GOLT1B: variants seen among roughly 807,000 people sequenced by gnomAD.
GOLT1B encodes golgi transport 1B.
In GOLT1B, 3 loss-of-function variants were observed where a neutral mutation model predicts 15.4. The ratio of observed to expected loss-of-function variants is 0.19; its 90% CI spans 0.09 to 0.50. GOLT1B has a LOEUF of 0.50. GOLT1B is among the 20% of genes least tolerant of loss of function. The pLI, the probability that GOLT1B is intolerant of heterozygous loss-of-function variation, is 0.97. For synonymous variants in GOLT1B, 65 were observed against 56.2 expected (o/e 1.16, Z -0.70); for missense variants, 145 against 160.4 (o/e 0.90, Z 0.52).
At chr12:21,505,780 T>C (rs1244956097) in intron 1 of GOLT1B, among the ~76,000 whole-genome samples, 1 of 152,152 alleles carries the variant, frequency 6.6e-6, no homozygotes, top group African/African-American at 2.4e-5. Context: ...CTTCTAAAAA[T>C]ACGGTGGCTT....
At chr12:21,504,073 A>G (rs943206707) in intron 1 of GOLT1B, among the ~76,000 whole-genome samples, 5 of 152,246 alleles carry the variant, frequency 3.3e-5, no homozygotes, top group Non-Finnish European at 5.9e-5. Context: ...AATTGTGAAT[A>G]AGATATCAAA....
At chr12:21,511,963 A>C (rs1008579703) in intron 3 of GOLT1B, among the ~76,000 whole-genome samples, 9 of 152,138 alleles carry the variant, frequency 5.9e-5, no homozygotes, top group African/African-American at 2.2e-4. Flanking sequence ...TTACTTAGTA[A>C]ATGATAGCTA....
At chr12:21,512,986 G>C (rs1006333517) in intron 4 of GOLT1B, among the ~76,000 whole-genome samples, 3 of 151,008 alleles carry the variant, frequency 2.0e-5, no homozygotes, top group Admixed American at 6.6e-5. Context: ...GGATTGGCTT[G>C]GGCCTAGGGG....
Position 21,516,565 on chromosome 12 carries a change from A to G in GOLT1B, c.*858A>G, listed in dbSNP as rs1253591929. Reference sequence around the variant, plus strand: ...ATACTAAATGATGCAAACCAAATGGATTTTTTCCATGTCATGATGTAATTT... The same window carrying G: ...ATACTAAATGATGCAAACCAAATGGGTTTTTTCCATGTCATGATGTAATTT... On this transcript the variant is annotated 3_prime_UTR_variant, in exon 5 of 5. Coordinates refer to ENST00000229314, the MANE Select transcript of GOLT1B (RefSeq NM_016072.5). 6.6e-6 allele frequency: 1 copy of G among 151,692 alleles called. No individual in the cohort carries two copies. The highest frequency in any genetic ancestry group is 1.5e-5 in the Non-Finnish European group (1 of 67,802). 9.4% of individuals were successfully genotyped at this position (151,692 alleles called of 1,614,324 possible). A position where few individuals can be genotyped will look rare whatever the true frequency, so the allele number is the denominator to read the frequency against.
intron 2 of GOLT1B, chr12:21,508,115 G>A (rs889422175): frequency 1.6e-4 from 65 of 415,864 alleles, no homozygotes; most frequent in African/African-American, 1.2e-4. Flanking sequence ...CCTTGGTAAC[G>A]TCTAATCTTT....
At chr12:21,512,223 T>C in intron 3 of GOLT1B, 72 bp from the exon 4 acceptor site, 1 of 800,784 alleles carries the variant, frequency 1.2e-6, no homozygotes, top group East Asian at 2.4e-5. Context: ...TACTTTCTTT[T>C]TCCTTGGTTA....
At chr12:21,508,007 A>G (rs1298412799) in intron 2 of GOLT1B, 2 of 449,006 alleles carry the variant, frequency 4.5e-6, no homozygotes, top group Non-Finnish European at 8.9e-6. Context: ...TGACATATTT[A>G]TGGGCAGCTT....
intron 4 of GOLT1B, among the ~76,000 whole-genome samples, 196 bp downstream of exon 4, chr12:21,512,572 C>T (rs1446928844): frequency 1.3e-5 from 2 of 152,008 alleles, no homozygotes; most frequent in Non-Finnish European, 2.9e-5. Context: ...TTTGTTTTAC[C>T]GTATCCATTT....
At chr12:21,513,831 G>A (rs749693778) in intron 4 of GOLT1B, among the ~76,000 whole-genome samples, 3 of 152,180 alleles carry the variant, frequency 2.0e-5, no homozygotes, top group African/African-American at 4.8e-5. Context: ...AAAGGAGAAA[G>A]GGAGGCACTT....
In GOLT1B at chr12:21,507,825, T is replaced by A. The variant is rs1943690537; in HGVS notation, c.118-558T>A. 8 of 376,428 alleles carry A rather than the reference T, an allele frequency of 2.1e-5. No individual in the cohort carries two copies. In the Admixed American group the frequency reaches 2.6e-4, roughly 12 times the overall value. The allele number at this position is 376,428 out of a possible 1,614,324, so 23.3% of individuals were successfully genotyped here. On this transcript the variant is annotated intron_variant, in intron 2 of 4. Transcript: ENST00000229314. ...TTCAAAATATTTGAAAACACATGGTTGTATTTTTATTTCTGCTGCCACCAG... is the reference window on the plus strand; with the variant it reads ...TTCAAAATATTTGAAAACACATGGTAGTATTTTTATTTCTGCTGCCACCAG...
chr12:21,508,682 G>T, intron 3 of GOLT1B, 121 bp downstream of exon 3: 2 of 621,010 alleles, frequency 3.2e-6, no homozygotes, highest in Non-Finnish European at 5.6e-6. Flanking sequence ...ATTTTATTTA[G>T]GTTGAATCTT....
Position 21,508,493 on chromosome 12 carries a change from T to C in GOLT1B, c.228T>C (p.Phe76=). The C allele has an allele frequency of 6.3e-7, 1 of 1,591,284 alleles. No homozygotes were observed. The highest frequency in any genetic ancestry group is 8.6e-7 in the Non-Finnish European group (1 of 1,160,404). The change falls in exon 3 of 5, where the codon TTT becomes TTC. Residue 76 remains phenylalanine, a synonymous_variant. Coordinates refer to ENST00000229314, the MANE Select transcript of GOLT1B (RefSeq NM_016072.5). ...CAGGTTTTTTTCTGGGTGGTGTATT[T>C]GTAGTCCTTATTGGTTGGCCTTTGA... is the stretch of plus-strand genomic sequence containing the variant. ...KATGFFLGGV[F]VVLIGWPLIG...
chr12:21,512,483 T>C (rs575342498), intron 4 of GOLT1B, 107 bp downstream of exon 4: 11 of 691,200 alleles, frequency 1.6e-5, no homozygotes, highest in East Asian at 2.5e-5. Context: ...TTTTGTATTA[T>C]GATATAGTTA....
intron 1 of GOLT1B, among the ~76,000 whole-genome samples, chr12:21,503,067 G>A (rs1943649040): frequency 6.6e-6 from 1 of 152,152 alleles, no homozygotes; most frequent in Non-Finnish European, 1.5e-5. Flanking sequence ...GCTGGACTGG[G>A]GCTGCCTCTT....
intron 2 of GOLT1B, among the ~76,000 whole-genome samples, chr12:21,507,547 C>A (rs1008962930): frequency 2.9e-5 from 4 of 137,420 alleles, no homozygotes; most frequent in African/African-American, 1.1e-4. Flanking sequence ...TATATACACA[C>A]ACACATATAT....
chr12:21,513,273 A>G (rs1314057042), intron 4 of GOLT1B, among the ~76,000 whole-genome samples: 1 of 152,174 alleles, frequency 6.6e-6, no homozygotes, highest in Admixed American at 6.5e-5. Flanking sequence ...AAGTTAACAA[A>G]TAGAGTTTCT....
intron 1 of GOLT1B, 65 bp from the exon 2 acceptor site, chr12:21,506,820 G>T: frequency 1.4e-6 from 1 of 698,624 alleles, no homozygotes; most frequent in South Asian, 1.9e-5. Flanking sequence ...AATTTTCTTA[G>T]TTTACAGGGA....
At chr12:21,504,627 T>C (rs374609883) in intron 1 of GOLT1B, 42 of 489,628 alleles carry the variant, frequency 8.6e-5, no homozygotes, top group African/African-American at 7.9e-4. Flanking sequence ...ACATTTTTGC[T>C]GCTTCTATGA....
chr12:21,512,868 C>T (rs1277958198), intron 4 of GOLT1B, among the ~76,000 whole-genome samples: 1 of 151,906 alleles, frequency 6.6e-6, no homozygotes, highest in Non-Finnish European at 1.5e-5. Flanking sequence ...AGTTCGAGAC[C>T]AGCCTGGGCA....
Sources: allele counts gnomAD v4.1 joint callset (sites outside exome capture counted in the v4.1 genomes callset), GRCh38; gene constraint gnomAD v4.1.1; transcripts MANE v1.5; gene names NCBI Gene and HGNC (gene_info 2026-07-23, HGNC 2026-07-21).